Variants in ST3GAL1 observed in about 807,000 individuals in gnomAD.
ST3GAL1 encodes ST3 beta-galactoside alpha-2,3-sialyltransferase 1.
ST3GAL1 carries 16 observed loss-of-function variants against 34.1 expected under a neutral mutation model. That is an observed-to-expected ratio of 0.47 (90% CI 0.32 to 0.71). The LOEUF (loss-of-function observed/expected upper bound fraction) is 0.71. ST3GAL1 is among the 30% of genes least tolerant of loss of function. ST3GAL1 has a pLI of 0.04. For missense variants in ST3GAL1, 353 were observed against 447.4 expected, an observed-to-expected ratio of 0.79 and a Z score of 1.90; for synonymous variants, 191 against 184.7, an observed-to-expected ratio of 1.03 and a Z score of -0.28.
intron 3 of ST3GAL1, among the ~76,000 whole-genome samples, chr8:133,485,703 T>C (rs1468408558): frequency 1.3e-5 from 2 of 152,302 alleles, no homozygotes; most frequent in Non-Finnish European, 2.9e-5. Context: ...ACAGGGTGGC[T>C]ACCCCGGAGT....
At chr8:133,520,730 GC>G (rs1444198690) in intron 2 of ST3GAL1, among the ~76,000 whole-genome samples, 1 of 150,878 alleles carries the variant, frequency 6.6e-6, no homozygotes, top group Non-Finnish European at 1.5e-5. Context: ...GGCTCAATGT[GC>G]AGTTTTGTGC....
rs1048484 is a variant in ST3GAL1 at position 133,459,183 on chromosome 8, C to T, written c.*581G>A. 0.68 allele frequency: 102,910 copies of T among 152,086 alleles called. 35,309 individuals carry two copies. The highest frequency in any genetic ancestry group is 0.99 in the East Asian group (5,075 of 5,152). The allele number at this position is 152,086 out of a possible 1,614,324, so 9.4% of individuals were successfully genotyped here. A position where few individuals can be genotyped will look rare whatever the true frequency, so the allele number is the denominator to read the frequency against. ...GTGTTCAGATTACAGGTGTGAGCCA[C>T]GGCACCTGGCCTCAAGTTTCTGTGA... On this transcript the variant is annotated 3_prime_UTR_variant, in exon 10 of 10. Transcript: ENST00000522652. This position sits in a 1 kb window ranked among gnomAD's most constrained non-coding sequence, Gnocchi z 4.7.
At chr8:133,483,297 G>T (rs1816466442) in intron 3 of ST3GAL1, among the ~76,000 whole-genome samples, 1 of 152,118 alleles carries the variant, frequency 6.6e-6, no homozygotes, top group Non-Finnish European at 1.5e-5. Context: ...AGCTGAGATT[G>T]CACCACTGCA....
chr8:133,491,415 A>C (rs1719204738), intron 3 of ST3GAL1, among the ~76,000 whole-genome samples: 1 of 152,016 alleles, frequency 6.6e-6, no homozygotes, highest in Admixed American at 6.6e-5. Flanking sequence ...TAAAGAAGAG[A>C]CAATTCAGAG....
rs1554618827 is a variant in ST3GAL1 at position 133,541,060 on chromosome 8, T to TATATATAGAC, written c.-429+4704_-429+4713dup. On this transcript the variant is annotated intron_variant, in intron 2 of 9. Transcript: ENST00000522652. ...ATATATAGACATATATATAGACATA[T>TATATATAGAC]ATATATAGACATATATATAGACATA... 4.1e-4 allele frequency among the ~76,000 whole-genome samples: 19 copies of TATATATAGAC among 46,062 alleles called. 4 individuals are homozygous for TATATATAGAC. In the South Asian group the frequency reaches 0.012, roughly 30 times the overall value. The allele number at this position is 46,062 out of a possible 152,430, so 30.2% of individuals were successfully genotyped here. A position where few individuals can be genotyped will look rare whatever the true frequency, so the allele number is the denominator to read the frequency against.
chr8:133,472,658 C>T (rs1201621581), intron 5 of ST3GAL1, among the ~76,000 whole-genome samples: 1 of 152,040 alleles, frequency 6.6e-6, no homozygotes, highest in Non-Finnish European at 1.5e-5. Context: ...TTTTTAGAAC[C>T]CCAAAGCTCT....
chr8:133,522,683 G>T (rs2945738), intron 2 of ST3GAL1, among the ~76,000 whole-genome samples: 35,623 of 152,152 alleles, frequency 0.23, 4,548 homozygotes, highest in Non-Finnish European at 0.27. Flanking sequence ...ACCCCTGAGA[G>T]CCTGGGTTTC....
At chr8:133,495,976 G>A (rs1306575311) in intron 3 of ST3GAL1, among the ~76,000 whole-genome samples, 1 of 152,120 alleles carries the variant, frequency 6.6e-6, no homozygotes, top group Non-Finnish European at 1.5e-5. Flanking sequence ...TGTGCCCCTG[G>A]CCCCAGGCCC....
intron 3 of ST3GAL1, among the ~76,000 whole-genome samples, chr8:133,486,600 T>G (rs1816610890): frequency 6.6e-6 from 1 of 152,218 alleles, no homozygotes; most frequent in African/African-American, 2.4e-5. Context: ...GAGGAGGTCC[T>G]GGCCACTGCA....
At chr8:133,468,218 C>A (rs1482049912) in intron 5 of ST3GAL1, among the ~76,000 whole-genome samples, 1 of 152,154 alleles carries the variant, frequency 6.6e-6, no homozygotes, top group African/African-American at 2.4e-5. Flanking sequence ...GCAACCCAGT[C>A]TCCAGCGATG....
chr8:133,505,635 T>G (rs1374133876), intron 2 of ST3GAL1, among the ~76,000 whole-genome samples: 1 of 151,668 alleles, frequency 6.6e-6, no homozygotes, highest in Non-Finnish European at 1.5e-5. Context: ...GAAGTTTCAC[T>G]CTTGTCGCCC....
intron 2 of ST3GAL1, among the ~76,000 whole-genome samples, chr8:133,510,059 C>CA (rs61402942): frequency 3.6e-3 from 436 of 120,180 alleles, no homozygotes; most frequent in African/African-American, 5.9e-3. Context: ...AACTCTGTCT[C>CA]AAAAAAAAAA....
intron 8 of ST3GAL1, 124 bp downstream of exon 8, chr8:133,463,290 G>C (rs910776215): frequency 2.8e-6 from 3 of 1,067,582 alleles, no homozygotes; most frequent in African/African-American, 3.1e-5. Context: ...AGCTAAGTGG[G>C]AGATGCTACC....
At position 133,571,022 on chromosome 8, in the gene ST3GAL1, C is replaced by T. The variant is rs1819551473; in HGVS notation, c.-582+671G>A. On this transcript the variant is annotated intron_variant, in intron 1 of 9. Transcript: ENST00000522652. The surrounding 1 kb of genome is among the most constrained non-coding windows in gnomAD (Gnocchi z 6.7). Reference sequence around the variant, plus strand: ...CCCCCACTGTCCGCCACGCCGCGTTCAGCTCTCTTGTCCCGGGTGTCAACT... The same window carrying T: ...CCCCCACTGTCCGCCACGCCGCGTTTAGCTCTCTTGTCCCGGGTGTCAACT... 6.6e-6 allele frequency among the ~76,000 whole-genome samples: 1 copy of T among 152,250 alleles called. No individual in the cohort carries two copies. The highest frequency in any genetic ancestry group is 6.5e-5 in the Admixed American group (1 of 15,292).
chr8:133,535,018 C>T (rs1818268444), intron 2 of ST3GAL1, among the ~76,000 whole-genome samples: 1 of 152,216 alleles, frequency 6.6e-6, no homozygotes, highest in South Asian at 2.1e-4. Context: ...AAGGCAGACA[C>T]AGGCAGGGGT....
intron 2 of ST3GAL1, among the ~76,000 whole-genome samples, chr8:133,543,875 G>A (rs1818604446): frequency 6.6e-6 from 1 of 152,074 alleles, no homozygotes; most frequent in Non-Finnish European, 1.5e-5. Flanking sequence ...ACTACTATTT[G>A]TGTTACTTAT....
intron 3 of ST3GAL1, among the ~76,000 whole-genome samples, chr8:133,481,812 T>G (rs1389834957): frequency 6.6e-6 from 1 of 151,942 alleles, no homozygotes; most frequent in Non-Finnish European, 1.5e-5. Context: ...GCTTTTCATC[T>G]GCTGTTTTCT....
At chr8:133,558,023 C>A (rs1819109866) in intron 1 of ST3GAL1, among the ~76,000 whole-genome samples, 1 of 152,106 alleles carries the variant, frequency 6.6e-6, no homozygotes, top group African/African-American at 2.4e-5. Flanking sequence ...ACAGCCCAGA[C>A]AACTTTCCCA....
At chr8:133,565,830 TGGGCCA>T (rs141037124) in intron 1 of ST3GAL1, among the ~76,000 whole-genome samples, 2 of 152,176 alleles carry the variant, frequency 1.3e-5, no homozygotes, top group African/African-American at 4.8e-5. Flanking sequence ...CCGGAGCAGA[TGGGCCA>T]GGGCCAGGGC....
Sources: allele counts gnomAD v4.1 joint callset (sites outside exome capture counted in the v4.1 genomes callset), GRCh38; gene constraint gnomAD v4.1.1; non-coding constraint Gnocchi (gnomAD v3.1); transcripts MANE v1.5; gene names NCBI Gene and HGNC (gene_info 2026-07-23, HGNC 2026-07-21).